Variants in GNAI3 observed in about 807,000 individuals in gnomAD.
GNAI3 encodes guanine nucleotide-binding protein G(i) subunit alpha-3.
Under a neutral mutation model 41.8 loss-of-function variants are expected in GNAI3, and 12 were observed. That is an observed-to-expected ratio of 0.29 (90% CI 0.18 to 0.47). GNAI3 has a LOEUF of 0.47. Ranked by LOEUF, GNAI3 falls within the 20% of genes least tolerant of loss-of-function variation. The probability of loss-of-function intolerance (pLI) is 1.00; values close to 1 mark genes in which losing one functional copy is unlikely to be tolerated. For synonymous variants in GNAI3, 132 were observed against 146.5 expected (o/e 0.90, Z 0.71); for missense variants, 360 against 429.6 (o/e 0.84, Z 1.43).
intron 5 of GNAI3, among the ~76,000 whole-genome samples, chr1:109,585,084 G>T (rs1649000121): frequency 6.6e-6 from 1 of 152,144 alleles, no homozygotes; most frequent in Non-Finnish European, 1.5e-5. Context: ...TCAATTTCTG[G>T]GGGAAAACAT....
chr1:109,586,606 G>A, intron 6 of GNAI3, 123 bp from the exon 7 acceptor site: 1 of 732,166 alleles, frequency 1.4e-6, no homozygotes. Flanking sequence ...TTATCTTATT[G>A]GTGTTTGACT....
chr1:109,550,288 T>C (rs1267561894), intron 1 of GNAI3, among the ~76,000 whole-genome samples: 1 of 152,218 alleles, frequency 6.6e-6, no homozygotes, highest in East Asian at 1.9e-4. Flanking sequence ...TTGAATATAC[T>C]ATAAAGGGAA....
intron 1 of GNAI3, among the ~76,000 whole-genome samples, chr1:109,549,223 G>C (rs951406862): frequency 2.0e-5 from 3 of 152,168 alleles, no homozygotes; most frequent in African/African-American, 7.2e-5. Flanking sequence ...AGTATATGTT[G>C]GGCTTGTATA....
chr1:109,591,927 T>C, intron 7 of GNAI3, 116 bp from the exon 8 acceptor site: 1 of 548,552 alleles, frequency 1.8e-6, no homozygotes, highest in South Asian at 3.5e-5. Flanking sequence ...TAGAGAATTC[T>C]ACTCATATTT....
intron 1 of GNAI3, among the ~76,000 whole-genome samples, chr1:109,573,061 G>A (rs1648650252): frequency 6.6e-6 from 1 of 152,112 alleles, no homozygotes; most frequent in African/African-American, 2.4e-5. Flanking sequence ...TATAAAATTT[G>A]AGAGAGAGGA....
Position 109,599,052 on chromosome 1 carries a change from ACT to A in GNAI3, c.*6733_*6734del. 2.0e-6 allele frequency: 1 copy of A among 495,072 alleles called. No homozygotes were observed. The highest frequency in any genetic ancestry group is 1.9e-5 in the African/African-American group (1 of 51,340). The allele number at this position is 495,072 out of a possible 1,614,324, so 30.7% of individuals were successfully genotyped here. A position where few individuals can be genotyped will look rare whatever the true frequency, so the allele number is the denominator to read the frequency against. On this transcript the variant is annotated 3_prime_UTR_variant, in exon 9 of 9. Transcript: ENST00000369851. ...TCTCACCGTGGGGATGGGAAGGAAT[ACT>A]CTGTTTTGGACTATTTGGAGGTACA... is the stretch of plus-strand genomic sequence containing the variant.
chr1:109,549,844 C>T (rs765548297), intron 1 of GNAI3, among the ~76,000 whole-genome samples: 1 of 152,070 alleles, frequency 6.6e-6, no homozygotes, highest in Non-Finnish European at 1.5e-5. Flanking sequence ...TAAACACAGT[C>T]GGATGTATTT....
chr1:109,574,224 A>G (rs1193116289), intron 3 of GNAI3, among the ~76,000 whole-genome samples, 187 bp downstream of exon 3: 1 of 152,112 alleles, frequency 6.6e-6, no homozygotes, highest in Non-Finnish European at 1.5e-5. Flanking sequence ...AACCACCCCA[A>G]GAGGAGCCTA....
At chr1:109,591,561 C>T (rs55773147) in intron 7 of GNAI3, 52,496 of 666,868 alleles carry the variant, frequency 0.079, 2,380 homozygotes, top group Non-Finnish European at 0.098. Context: ...CACGAATTTG[C>T]GTGTCATCCT....
intron 1 of GNAI3, 100 bp from the exon 2 acceptor site, chr1:109,573,637 G>A (rs1454953515): frequency 2.1e-6 from 2 of 956,078 alleles, no homozygotes; most frequent in Admixed American, 2.0e-5. Context: ...TTTTCCCTAG[G>A]ACCCGTGGTT....
intron 5 of GNAI3, among the ~76,000 whole-genome samples, 187 bp downstream of exon 5, chr1:109,582,752 G>A (rs773134740): frequency 4.6e-5 from 7 of 152,072 alleles, no homozygotes; most frequent in African/African-American, 1.4e-4. Flanking sequence ...TCCAAATAGC[G>A]TCAAATGTTT....
chr1:109,570,406 G>A lies in GNAI3; in HGVS notation c.119-3331G>A, dbSNP rs184482201. Among the ~76,000 whole-genome samples, 93 of 152,262 alleles carry A rather than the reference G, an allele frequency of 6.1e-4. 1 individual carries two copies. The highest frequency in any genetic ancestry group is 2.2e-3 in the African/African-American group (92 of 41,534). On this transcript the variant is annotated intron_variant, in intron 1 of 8. Transcript: ENST00000369851. ...ATAATTTATGTCATGACCAGTTTAA[G>A]GCCCTGGGAATGCAGGGATGAATAA...
chr1:109,574,082 T>C (rs756574828), intron 3 of GNAI3, 45 bp downstream of exon 3: 10 of 1,505,324 alleles, frequency 6.6e-6, no homozygotes, highest in African/African-American at 1.4e-5. Flanking sequence ...ATTCAGCAGA[T>C]ACAGTTAAGT....
In GNAI3 at chr1:109,586,294, C is replaced by T. The variant is rs755852446; in HGVS notation, c.669C>T (p.Phe223=). The T allele has an allele frequency of 1.2e-6, 2 of 1,613,346 alleles. No individual in the cohort carries two copies. Among genetic ancestry groups the T allele is most frequent in the Admixed American group, 3.3e-5 (2 of 59,986 alleles). Residue 223 remains phenylalanine (F), a synonymous_variant, in exon 6 of 9, where the codon TTC becomes TTT. Coordinates refer to ENST00000369851, the MANE Select transcript of GNAI3 (RefSeq NM_006496.4). ...TTGAGGGAGTGACAGCAATTATCTTCTGTGTGGCCCTCAGTGATTATGACC... is the reference window on the plus strand; with the variant it reads ...TTGAGGGAGTGACAGCAATTATCTTTTGTGTGGCCCTCAGTGATTATGACC... ...HCFEGVTAII[F]CVALSDYDLV... is the part of the protein sequence containing the mutation.
intron 1 of GNAI3, among the ~76,000 whole-genome samples, chr1:109,561,824 T>C (rs538125311): frequency 2.0e-5 from 3 of 152,298 alleles, no homozygotes; most frequent in East Asian, 1.9e-4. Context: ...TTTTTAAGTT[T>C]CTTCCTTTTA....
chr1:109,586,366 A>G lies in GNAI3; in HGVS notation c.720+21A>G, dbSNP rs200336479. On this transcript the variant is annotated intron_variant, in intron 6 of 8. Coordinates refer to ENST00000369851, the MANE Select transcript of GNAI3 (RefSeq NM_006496.4). The stretch of plus-strand genomic sequence containing the variant: ...AGATGGTATGTTGGAGCTTCTGGTA[A>G]AAAGCCTGTCTAATGTAGCCAGGAA... 9 of 1,604,840 alleles carry G rather than the reference A, an allele frequency of 5.6e-6. No homozygotes were observed. The Admixed American group carries it at 1.5e-4, about 28-fold the overall frequency.
intron 5 of GNAI3, 40 bp downstream of exon 5, chr1:109,582,605 G>C (rs1379088164): frequency 6.8e-7 from 1 of 1,479,100 alleles, no homozygotes; most frequent in Admixed American, 1.7e-5. Flanking sequence ...CCAAATACAA[G>C]TATCTTTCAT....
chr1:109,558,358 C>T (rs994473306), intron 1 of GNAI3, among the ~76,000 whole-genome samples: 13 of 151,986 alleles, frequency 8.6e-5, no homozygotes, highest in Admixed American at 5.2e-4. Flanking sequence ...GGGAGGCGGA[C>T]GTTGCAGTCA....
intron 1 of GNAI3, among the ~76,000 whole-genome samples, chr1:109,572,147 TAAAA>T (rs1242508121): frequency 6.6e-6 from 1 of 151,688 alleles, no homozygotes; most frequent in Non-Finnish European, 1.5e-5. Flanking sequence ...CTGTCTCTAC[TAAAA>T]ATACAAAAAT....
Sources: allele counts gnomAD v4.1 joint callset (sites outside exome capture counted in the v4.1 genomes callset), GRCh38; gene constraint gnomAD v4.1.1; transcripts MANE v1.5; gene names NCBI Gene and HGNC (gene_info 2026-07-23, HGNC 2026-07-21).